Variants in ANKRD12 observed in about 807,000 individuals in gnomAD.
ANKRD12 encodes the protein ankyrin repeat domain-containing protein 12.
A neutral mutation model predicts 183.4 loss-of-function variants in ANKRD12; 85 were observed. The observed-to-expected ratio is 0.46, with a 90% confidence interval of 0.39 to 0.56. The LOEUF (loss-of-function observed/expected upper bound fraction) is 0.56. ANKRD12 is among the 20% of genes least tolerant of loss of function. The pLI, the probability that ANKRD12 is intolerant of heterozygous loss-of-function variation, is 0.00. For missense variants in ANKRD12, 2,405 were observed against 2,357.1 expected, an observed-to-expected ratio of 1.02 and a Z score of -0.42; for synonymous variants, 914 against 800.2, an observed-to-expected ratio of 1.14 and a Z score of -2.40.
At chr18:9,235,144 T>A (rs956441753) in intron 8 of ANKRD12, among the ~76,000 whole-genome samples, 1 of 152,210 alleles carries the variant, frequency 6.6e-6, no homozygotes, top group African/African-American at 2.4e-5. Context: ...TAATTCTTTA[T>A]GATAAGTTAA....
Position 9,256,156 on chromosome 18 carries a change from A to G in ANKRD12, c.2889A>G (p.Lys963=). The change falls in exon 9 of 13, where the codon AAA becomes AAG. Residue 963 remains lysine (K), a synonymous_variant. Coordinates refer to ENST00000262126, the MANE Select transcript of ANKRD12 (RefSeq NM_015208.5). ...EKDRELDKKE[K]SRDKESINIT... ...ACAGGGAGCTAGATAAAAAGGAAAAATCTAGAGATAAAGAAAGTATAAATA... is the reference window on the plus strand; with the variant it reads ...ACAGGGAGCTAGATAAAAAGGAAAAGTCTAGAGATAAAGAAAGTATAAATA... 6.4e-7 allele frequency: 1 copy of G among 1,559,498 alleles called. No homozygotes were observed. Among genetic ancestry groups the G allele is most frequent in the South Asian group, 1.2e-5 (1 of 80,922 alleles).
chr18:9,236,109 A>G (rs1338893333), intron 8 of ANKRD12, among the ~76,000 whole-genome samples: 3 of 152,208 alleles, frequency 2.0e-5, no homozygotes, highest in Non-Finnish European at 4.4e-5. Flanking sequence ...CACCCATCCA[A>G]AAGTGGAACT....
intron 6 of ANKRD12, among the ~76,000 whole-genome samples, chr18:9,215,319 G>T (rs1304734811): frequency 6.6e-6 from 1 of 152,096 alleles, no homozygotes; most frequent in African/African-American, 2.4e-5. Context: ...CCTGAACCCT[G>T]AAGGGAAAAG....
intron 11 of ANKRD12, among the ~76,000 whole-genome samples, chr18:9,278,004 T>C (rs1004829139): frequency 6.6e-6 from 1 of 152,228 alleles, no homozygotes; most frequent in Non-Finnish European, 1.5e-5. Context: ...ATAAGCCTGA[T>C]GATTGGGTTT....
At position 9,258,572 on chromosome 18, in the gene ANKRD12, G is replaced by A. The variant is rs2038781599; in HGVS notation, c.5305G>A (p.Gly1769Arg). The change falls in exon 9 of 13, where the codon GGA (glycine) becomes AGA (arginine). Residue 1769 changes from glycine to arginine, a missense_variant. Around this residue, in one of 7 missense-constraint regions of ANKRD12, gnomAD observed 1,983 missense variants for 1,725.9 expected, o/e 1.15. Transcript: ENST00000262126. ...EKDSESSSPR[G>R]RIRLTEDDDP... is the part of the protein sequence containing the mutation. ...AGACAGTGAATCCTCATCTCCTAGAGGAAGAATAAGATTAACTGAAGATGA... is the reference window on the plus strand; with the variant it reads ...AGACAGTGAATCCTCATCTCCTAGAAGAAGAATAAGATTAACTGAAGATGA... The A allele has an allele frequency of 6.2e-7, 1 of 1,613,844 alleles. No individual in the cohort carries two copies. The highest frequency in any genetic ancestry group is 8.5e-7 in the Non-Finnish European group (1 of 1,179,914).
rs764245322 is a variant in ANKRD12, at chr18:9,257,307, A to T, written c.4040A>T (p.Lys1347Ile). 6 of 1,614,182 alleles carry T rather than the reference A, an allele frequency of 3.7e-6. No homozygotes were observed. The highest frequency in any genetic ancestry group is 5.1e-6 in the Non-Finnish European group (6 of 1,180,008). ...CCAGGAGATACTAGTCCTTCTCCCA[A>T]ACCTGAGGTATTCTCAAATGTGCCT... is the stretch of plus-strand genomic sequence containing the variant. Reference protein sequence around the residue: ...TVPGDTSPSPKPEVFSNVPER... With the variant: ...TVPGDTSPSPIPEVFSNVPER... The change falls in exon 9 of 13, where the codon AAA (lysine) becomes ATA (isoleucine). Residue 1347 changes from lysine (K) to isoleucine (I), a missense_variant. Physicochemically the swap from Lys to Ile is moderately radical, Grantham distance 102. This residue lies in a region of ANKRD12 where 1,983 missense variants were observed against 1,725.9 expected (regional missense o/e 1.15). Coordinates refer to ENST00000262126, the MANE Select transcript of ANKRD12 (RefSeq NM_015208.5).
At chr18:9,137,979 A>G (rs1196608892) in intron 1 of ANKRD12, 1 of 152,248 alleles carries the variant, frequency 6.6e-6, no homozygotes, top group East Asian at 1.9e-4. Flanking sequence ...CATTTAAAGC[A>G]GTGTAGTCAC....
At chr18:9,215,769 A>G (rs1171229884) in intron 6 of ANKRD12, among the ~76,000 whole-genome samples, 3 of 152,156 alleles carry the variant, frequency 2.0e-5, no homozygotes, top group Non-Finnish European at 4.4e-5. Context: ...TTTACCACAG[A>G]ACCAGTCAAG....
intron 8 of ANKRD12, among the ~76,000 whole-genome samples, chr18:9,225,534 A>C (rs796098183): frequency 1.4e-4 from 21 of 152,260 alleles, no homozygotes; most frequent in African/African-American, 5.1e-4. Flanking sequence ...ATTAATGTAG[A>C]AATACTAATT....
chr18:9,159,125 C>G (rs1430703231), intron 1 of ANKRD12, among the ~76,000 whole-genome samples: 2 of 152,150 alleles, frequency 1.3e-5, no homozygotes, highest in Non-Finnish European at 2.9e-5. Flanking sequence ...TCTCCTTTTA[C>G]TGAGAAAGGT....
intron 11 of ANKRD12, among the ~76,000 whole-genome samples, chr18:9,278,176 G>A (rs777015806): frequency 1.3e-5 from 2 of 152,180 alleles, no homozygotes. Flanking sequence ...CATTTTTGGT[G>A]ACTTATTTAA....
chr18:9,229,558 G>A (rs563793124), intron 8 of ANKRD12, among the ~76,000 whole-genome samples: 4 of 152,040 alleles, frequency 2.6e-5, no homozygotes, highest in African/African-American at 9.6e-5. Flanking sequence ...GTTGTTGTTT[G>A]TTTTGATAGC....
chr18:9,217,826 G>T (rs2036196984), intron 7 of ANKRD12, among the ~76,000 whole-genome samples: 1 of 152,068 alleles, frequency 6.6e-6, no homozygotes, highest in Admixed American at 6.6e-5. Flanking sequence ...GTTGTTTTCT[G>T]TTATTTACTC....
At chr18:9,266,110 G>A (rs1029294363) in intron 10 of ANKRD12, among the ~76,000 whole-genome samples, 2 of 152,178 alleles carry the variant, frequency 1.3e-5, no homozygotes, top group African/African-American at 2.4e-5. Flanking sequence ...GAAATATGGG[G>A]CTATGTGAAA....
chr18:9,209,154 T>A (rs2035641984), intron 5 of ANKRD12, among the ~76,000 whole-genome samples: 1 of 152,230 alleles, frequency 6.6e-6, no homozygotes, highest in Non-Finnish European at 1.5e-5. Context: ...GTATGTATGT[T>A]TATTTATATA....
At chr18:9,149,719 A>G (rs538213229) in intron 1 of ANKRD12, among the ~76,000 whole-genome samples, 193 of 152,100 alleles carry the variant, frequency 1.3e-3, no homozygotes, top group African/African-American at 4.5e-3. Context: ...CCTTTGTGGA[A>G]TTTTGAAAGT....
intron 3 of ANKRD12, among the ~76,000 whole-genome samples, chr18:9,198,647 T>A (rs2034986348): frequency 6.6e-6 from 1 of 152,128 alleles, no homozygotes; most frequent in African/African-American, 2.4e-5. Flanking sequence ...CTTCCTGGGT[T>A]CAAGTGATTC....
intron 8 of ANKRD12, among the ~76,000 whole-genome samples, chr18:9,227,545 G>A (rs79430698): frequency 0.01 from 1,574 of 152,296 alleles, 22 homozygotes; most frequent in African/African-American, 0.036. Flanking sequence ...AAAGGTGTTA[G>A]GAGACAATTT....
Position 9,285,591 on chromosome 18 carries a change from A to T in ANKRD12, c.*4465A>T, listed in dbSNP as rs183633339. 1 of 152,170 alleles carries T rather than the reference A, an allele frequency of 6.6e-6. No homozygotes were observed. The highest frequency in any genetic ancestry group is 1.5e-5 in the Non-Finnish European group (1 of 68,024). 9.4% of individuals were successfully genotyped at this position (152,170 alleles called of 1,614,324 possible). A position where few individuals can be genotyped will look rare whatever the true frequency, so the allele number is the denominator to read the frequency against. The stretch of plus-strand genomic sequence containing the variant: ...CAATAAAATTACCCAGATCTTAACT[A>T]GGCAGTTTGATAAATCCTGACAAAT... On this transcript the variant is annotated 3_prime_UTR_variant, in exon 13 of 13. Transcript: ENST00000262126.
Sources: gnomAD v4.1 joint callset for allele counts (sites outside exome capture counted in the v4.1 genomes callset) on GRCh38, gnomAD v4.1.1 for gene constraint, gnomAD v4.1.1 regional missense constraint, MANE v1.5 for transcripts, NCBI Gene and HGNC (gene_info 2026-07-23, HGNC 2026-07-21) for gene names.